GRM7: variants seen among roughly 807,000 people sequenced by gnomAD.
GRM7 encodes the protein metabotropic glutamate receptor 7.
GRM7 carries 35 observed loss-of-function variants against 84.5 expected under a neutral mutation model. The observed-to-expected ratio is 0.41, with a 90% CI of 0.32 to 0.55. The LOEUF is 0.55. Among genes scored for constraint, GRM7 ranks in the 20% least tolerant of loss-of-function variants. The pLI, the probability that GRM7 is intolerant of heterozygous loss-of-function variation, is 0.19. For synonymous variants in GRM7, 487 were observed against 455.1 expected (o/e 1.07, Z -0.89); for missense variants, 1,003 against 1,194.6 (o/e 0.84, Z 2.36).
At chr3:7,611,194 G>T (rs1233652574) in intron 8 of GRM7, among the ~76,000 whole-genome samples, 3 of 152,048 alleles carry the variant, frequency 2.0e-5, no homozygotes, top group African/African-American at 7.2e-5. Flanking sequence ...TTATCTTCTT[G>T]GATTATTGCG....
chr3:7,469,638 G>T (rs779711), intron 7 of GRM7, among the ~76,000 whole-genome samples: 70,983 of 151,716 alleles, frequency 0.47, 17,645 homozygotes, highest in African/African-American at 0.65. Flanking sequence ...ACTTAGGATT[G>T]GGTCTCTAAT....
intron 7 of GRM7, among the ~76,000 whole-genome samples, chr3:7,542,216 G>A (rs1190918976): frequency 2.0e-5 from 3 of 152,210 alleles, no homozygotes; most frequent in Admixed American, 6.5e-5. Flanking sequence ...CTTTTTGCAG[G>A]ACACAATTCA....
intron 9 of GRM7, among the ~76,000 whole-genome samples, chr3:7,683,396 T>G (rs752234881): frequency 6.6e-6 from 1 of 152,278 alleles, no homozygotes; most frequent in East Asian, 1.9e-4. Context: ...TAAAATAAAA[T>G]AGAGTCTTTT....
chr3:7,709,340 G>C (rs1273551821), intron 9 of GRM7, among the ~76,000 whole-genome samples: 2 of 150,878 alleles, frequency 1.3e-5, no homozygotes, highest in East Asian at 3.9e-4. Flanking sequence ...GCATAGTTTG[G>C]AACAGAGAGT....
chr3:7,389,794 T>A (rs908676319), intron 4 of GRM7, among the ~76,000 whole-genome samples: 4 of 152,246 alleles, frequency 2.6e-5, no homozygotes, highest in Admixed American at 6.5e-5. Context: ...GTTTTTTTTT[T>A]AATCCAATTT....
At chr3:6,978,955 G>T (rs1694097537) in intron 1 of GRM7, among the ~76,000 whole-genome samples, 1 of 152,106 alleles carries the variant, frequency 6.6e-6, no homozygotes, top group Admixed American at 6.5e-5. Flanking sequence ...TTCTATCCAA[G>T]TTATGATAGA....
chr3:6,990,015 A>G (rs1049058190), intron 1 of GRM7, among the ~76,000 whole-genome samples: 4 of 152,142 alleles, frequency 2.6e-5, no homozygotes, highest in South Asian at 4.1e-4. Context: ...AGAACACAGG[A>G]TGCTAGCTGA....
At chr3:7,670,746 G>C (rs1327658836) in intron 8 of GRM7, among the ~76,000 whole-genome samples, 3 of 130,816 alleles carry the variant, frequency 2.3e-5, no homozygotes, top group Admixed American at 7.8e-5. Context: ...TGGGTGACTT[G>C]TAAAGTAACA....
intron 1 of GRM7, among the ~76,000 whole-genome samples, chr3:7,007,458 A>C (rs992880439): frequency 1.3e-5 from 2 of 152,190 alleles, no homozygotes; most frequent in African/African-American, 4.8e-5. Flanking sequence ...TCATTCTCAG[A>C]GATTTGGGAA....
intron 9 of GRM7, among the ~76,000 whole-genome samples, chr3:7,719,605 G>A (rs962235275): frequency 1.3e-5 from 2 of 152,082 alleles, no homozygotes. Flanking sequence ...GAGGTCAGGA[G>A]ATCGAGACCA....
rs114911505 is a variant in GRM7 at position 7,512,389 on chromosome 3, G to C, written c.1515+50667G>C. On this transcript the variant is annotated intron_variant, in intron 7 of 9. Coordinates refer to ENST00000357716, the MANE Select transcript of GRM7 (RefSeq NM_000844.4). ...ATTGGTAAATTACCTTCTAGTGTGAGAGTCAAAGTTTCTCTGCATGAAATG... is the reference window on the plus strand; with the variant it reads ...ATTGGTAAATTACCTTCTAGTGTGACAGTCAAAGTTTCTCTGCATGAAATG... Among the ~76,000 whole-genome samples, 558 of 152,272 alleles carry C rather than the reference G, an allele frequency of 3.7e-3. 1 individual carries two copies. The highest frequency in any genetic ancestry group is 0.013 in the African/African-American group (525 of 41,558).
chr3:6,887,973 T>G (rs9868106), intron 1 of GRM7, among the ~76,000 whole-genome samples: 111 of 152,292 alleles, frequency 7.3e-4, no homozygotes, highest in African/African-American at 2.3e-3. Flanking sequence ...GCATTTCTCT[T>G]ATGGCCAGTG....
chr3:7,571,207 GCTC>G (rs1694638842), intron 7 of GRM7, among the ~76,000 whole-genome samples: 1 of 152,070 alleles, frequency 6.6e-6, no homozygotes, highest in African/African-American at 2.4e-5. Context: ...CTAACATTTG[GCTC>G]CTCATTACTT....
chr3:7,625,500 A>G (rs1697568057), intron 8 of GRM7, among the ~76,000 whole-genome samples: 1 of 152,116 alleles, frequency 6.6e-6, no homozygotes, highest in African/African-American at 2.4e-5. Context: ...TGCCCAACTC[A>G]TGAGTCAAAA....
In GRM7 at chr3:6,901,375, GGATCAT is replaced by G. The variant is rs531045720; in HGVS notation, c.519+39471_519+39476del. Reference sequence around the variant, plus strand: ...AGTACTTTGGGAGGCCAAGGTGGGTGGATCATGAGGTCAAGAGATCAAGACCGTCCT... The same window carrying G: ...AGTACTTTGGGAGGCCAAGGTGGGTGGAGGTCAAGAGATCAAGACCGTCCT... On this transcript the variant is annotated intron_variant, in intron 1 of 9. Coordinates refer to ENST00000357716, the MANE Select transcript of GRM7 (RefSeq NM_000844.4). Among the ~76,000 whole-genome samples the G allele has an allele frequency of 3.9e-3, 591 of 152,094 alleles. 5 individuals are homozygous for G. Among genetic ancestry groups the G allele is most frequent in the African/African-American group, 0.014 (566 of 41,500 alleles).
At chr3:7,503,492 C>A (rs913252469) in intron 7 of GRM7, among the ~76,000 whole-genome samples, 9 of 152,242 alleles carry the variant, frequency 5.9e-5, no homozygotes, top group Admixed American at 2.0e-4. Context: ...TTATTCCAGG[C>A]AGATTGCATA....
intron 7 of GRM7, among the ~76,000 whole-genome samples, chr3:7,480,017 G>A (rs1182422283): frequency 3.3e-5 from 5 of 152,052 alleles, no homozygotes; most frequent in African/African-American, 1.2e-4. Flanking sequence ...AATGGATACC[G>A]CACTTGTCAG....
intron 7 of GRM7, among the ~76,000 whole-genome samples, chr3:7,509,118 A>G (rs527684605): frequency 1.3e-5 from 2 of 152,168 alleles, no homozygotes; most frequent in Non-Finnish European, 2.9e-5. Context: ...CACACCAGGT[A>G]TGCTACCCAC....
At chr3:7,594,059 A>G (rs1375705581) in intron 8 of GRM7, among the ~76,000 whole-genome samples, 1 of 152,186 alleles carries the variant, frequency 6.6e-6, no homozygotes, top group Non-Finnish European at 1.5e-5. Flanking sequence ...TACAACTTCC[A>G]GGAAGTAAGA....
Sources: gnomAD v4.1 joint callset for allele counts (sites outside exome capture counted in the v4.1 genomes callset) on GRCh38, gnomAD v4.1.1 for gene constraint, MANE v1.5 for transcripts, NCBI Gene and HGNC (gene_info 2026-07-23, HGNC 2026-07-21) for gene names.